IQCE: variants seen among roughly 807,000 people sequenced by gnomAD.
The protein encoded by IQCE is IQ domain-containing protein E.
A neutral mutation model predicts 96.0 loss-of-function variants in IQCE; 115 were observed. That is an observed-to-expected ratio of 1.20 (90% CI 1.03 to 1.40). IQCE has a LOEUF of 1.40. Among genes scored for constraint, IQCE ranks in the 40% most tolerant of loss-of-function variants. IQCE has a pLI of 0.00. For synonymous variants in IQCE, 412 were observed against 371.2 expected (o/e 1.11, Z -1.26); for missense variants, 1,041 against 909.1 (o/e 1.15, Z -1.87).
rs543698789 is a variant in IQCE at position 2,611,139 on chromosome 7, T to TGGGCCGGGCCGGGCCGGGCCGGGCC, written c.*986_*987insCGGGCCGGGCCGGGCCGGGCCGGGC. 1.4e-4 allele frequency: 19 copies of TGGGCCGGGCCGGGCCGGGCCGGGCC among 137,352 alleles called. No individual in the cohort carries two copies. The highest frequency in any genetic ancestry group is 5.2e-4 in the African/African-American group (18 of 34,498). The allele number at this position is 137,352 out of a possible 1,614,324, so 8.5% of individuals were successfully genotyped here. Reference sequence around the variant, plus strand: ...TGGGCTGGGCTGGGCTGGGCTGGGCTGGGCCGGGCGTGCGGAGCCTGTGGA... The same window carrying TGGGCCGGGCCGGGCCGGGCCGGGCC: ...TGGGCTGGGCTGGGCTGGGCTGGGCTGGGCCGGGCCGGGCCGGGCCGGGCCGGGCCGGGCGTGCGGAGCCTGTGGA... On this transcript the variant is annotated 3_prime_UTR_variant, in exon 22 of 22. Transcript: ENST00000402050.
intron 1 of IQCE, among the ~76,000 whole-genome samples, chr7:2,562,621 G>A (rs1179322350): frequency 1.3e-5 from 2 of 148,294 alleles, no homozygotes; most frequent in South Asian, 2.1e-4. Context: ...CTGTATTTTG[G>A]TAATTTCGTG....
rs1184310199 is a variant in IQCE at position 2,578,527 on chromosome 7, G to A, written c.630+1G>A. 10 of 1,614,190 alleles carry A rather than the reference G, an allele frequency of 6.2e-6. No individual in the cohort carries two copies. Among genetic ancestry groups the A allele is most frequent in the East Asian group, 4.5e-5 (2 of 44,894 alleles). ...AGAGAAAAGGCCCGATGCCAGTTGG[G>A]TGAGTATGGTGTGTGCAGGACAGAG... On this transcript the variant is annotated splice_donor_variant, in intron 8 of 21. Transcript: ENST00000402050. LOFTEE classifies it high-confidence loss of function.
intron 1 of IQCE, among the ~76,000 whole-genome samples, chr7:2,564,443 A>G (rs1210527924): frequency 6.6e-6 from 1 of 151,948 alleles, no homozygotes; most frequent in Non-Finnish European, 1.5e-5. Context: ...TACTAAAAAT[A>G]CAACAATTAT....
chr7:2,601,386 C>A, intron 17 of IQCE, 55 bp from the exon 18 acceptor site: 1 of 1,210,866 alleles, frequency 8.3e-7, no homozygotes, highest in Non-Finnish European at 1.2e-6. Context: ...ATCAAAACCA[C>A]ATTCATCCTT....
chr7:2,593,059 C>A lies in IQCE; in HGVS notation c.1282C>A (p.Leu428Met), dbSNP rs1450401503. Residue 428 changes from leucine (L) to methionine (M), a missense_variant, in exon 15 of 22, where the codon CTG (leucine) becomes ATG (methionine). Coordinates refer to ENST00000402050, the MANE Select transcript of IQCE (RefSeq NM_152558.5). The stretch of plus-strand genomic sequence containing the variant: ...GCAGCTCCTGCAGGCGAAGGCCGAC[C>A]TGGAGAAGGAGCTGGAGTGCGCGAG... ...VKQLLQAKAD[L>M]EKELECAREG... 2 of 1,611,338 alleles carry A rather than the reference C, an allele frequency of 1.2e-6. No individual in the cohort carries two copies. The highest frequency in any genetic ancestry group is 1.7e-6 in the Non-Finnish European group (2 of 1,177,784).
intron 8 of IQCE, among the ~76,000 whole-genome samples, chr7:2,579,700 G>GGTGTGTGT (rs68086038): frequency 1.5e-5 from 2 of 133,006 alleles, no homozygotes; most frequent in South Asian, 2.5e-4. Flanking sequence ...TTGTTCTGGT[G>GGTGTGTGT]GTGTGTGTGT....
At chr7:2,595,048 C>G (rs1265877361) in intron 16 of IQCE, 72 bp downstream of exon 16, 11 of 1,069,736 alleles carry the variant, frequency 1.0e-5, no homozygotes, top group Middle Eastern at 2.1e-4. Flanking sequence ...CTGACCGTTT[C>G]CCTGTCCAGA....
intron 13 of IQCE, among the ~76,000 whole-genome samples, chr7:2,588,581 C>T (rs7780612): frequency 0.019 from 2,806 of 148,428 alleles, 95 homozygotes; most frequent in African/African-American, 0.066. Context: ...TCTCGATCTC[C>T]TGACCTCGTG....
intron 18 of IQCE, among the ~76,000 whole-genome samples, chr7:2,602,270 G>A (rs1784485657): frequency 6.6e-6 from 1 of 152,228 alleles, no homozygotes; most frequent in African/African-American, 2.4e-5. Flanking sequence ...GCATGGAACT[G>A]GAATGGAGGT....
At chr7:2,607,953 C>G (rs1784949423) in intron 21 of IQCE, among the ~76,000 whole-genome samples, 1 of 152,140 alleles carries the variant, frequency 6.6e-6, no homozygotes, top group Non-Finnish European at 1.5e-5. Context: ...GGGGCTGTTT[C>G]ACGTGGGAAG....
chr7:2,565,945 C>A (rs1429865249), intron 1 of IQCE, among the ~76,000 whole-genome samples: 2 of 152,240 alleles, frequency 1.3e-5, no homozygotes, highest in South Asian at 2.1e-4. Context: ...TGTTATCATG[C>A]AGCCAGGCAT....
At chr7:2,605,488 C>T (rs898916691) in intron 19 of IQCE, among the ~76,000 whole-genome samples, 4 of 152,022 alleles carry the variant, frequency 2.6e-5, no homozygotes, top group South Asian at 2.1e-4. Context: ...GGCGTGGTGG[C>T]GGGCGCCCGC....
intron 1 of IQCE, among the ~76,000 whole-genome samples, chr7:2,563,889 A>G (rs1478918597): frequency 9.2e-6 from 1 of 108,170 alleles, no homozygotes. Flanking sequence ...GCGAGACTCC[A>G]TCTCAAAAAA....
intron 16 of IQCE, among the ~76,000 whole-genome samples, chr7:2,597,552 A>G (rs1186784673): frequency 6.6e-6 from 1 of 152,262 alleles, no homozygotes; most frequent in Non-Finnish European, 1.5e-5. Flanking sequence ...GAGGGCTTTC[A>G]GCAACAGCGT....
chr7:2,594,749 C>T (rs537146773), intron 15 of IQCE, 137 bp from the exon 16 acceptor site: 5 of 695,834 alleles, frequency 7.2e-6, no homozygotes, highest in South Asian at 6.5e-5. Context: ...CTCAGGGAGA[C>T]ATGGCCCCAC....
chr7:2,595,977 C>T (rs991304800), intron 16 of IQCE, among the ~76,000 whole-genome samples: 11 of 152,204 alleles, frequency 7.2e-5, no homozygotes, highest in Non-Finnish European at 1.3e-4. Context: ...AGAAGGGCGT[C>T]CTCACAAATC....
chr7:2,580,230 CA>C (rs1782559310), intron 8 of IQCE: 1 of 145,304 alleles, frequency 6.9e-6, no homozygotes, highest in African/African-American at 2.6e-5. Context: ...ACCAGAATCA[CA>C]AAAATGGGCT....
intron 5 of IQCE, among the ~76,000 whole-genome samples, chr7:2,572,531 C>G (rs7789064): frequency 6.6e-6 from 1 of 152,158 alleles, no homozygotes; most frequent in African/African-American, 2.4e-5. Flanking sequence ...TAGCTTTCCT[C>G]GTGGGTGCAG....
intron 11 of IQCE, among the ~76,000 whole-genome samples, chr7:2,585,569 C>T (rs964886362): frequency 2.6e-5 from 4 of 152,258 alleles, no homozygotes; most frequent in African/African-American, 7.2e-5. Flanking sequence ...CGCAAGGCAG[C>T]GTCACGAGCA....
Sources: gnomAD v4.1 joint callset for allele counts (sites outside exome capture counted in the v4.1 genomes callset) on GRCh38, gnomAD v4.1.1 for gene constraint, MANE v1.5 for transcripts, NCBI Gene and HGNC (gene_info 2026-07-23, HGNC 2026-07-21) for gene names.